The following CCSER1 variants were observed in gnomAD, a reference collection of about 807,000 sequenced individuals.
CCSER1 encodes serine-rich coiled-coil domain-containing protein 1.
CCSER1 carries 41 observed loss-of-function variants against 82.0 expected under a neutral mutation model. That is an observed-to-expected ratio of 0.50 (90% CI 0.39 to 0.65). The LOEUF (loss-of-function observed/expected upper bound fraction) is 0.65, where lower values mean the gene tolerates loss of function less well. Among genes scored for constraint, CCSER1 ranks in the 30% least tolerant of loss-of-function variants. CCSER1 has a pLI of 0.00. For synonymous variants in CCSER1, 414 were observed against 383.9 expected, an observed-to-expected ratio of 1.08 and a Z score of -0.92; for missense variants, 1,119 against 1,064.2, an observed-to-expected ratio of 1.05 and a Z score of -0.72.
chr4:90,971,861 G>T (rs1021087685), intron 9 of CCSER1, among the ~76,000 whole-genome samples: 1 of 151,810 alleles, frequency 6.6e-6, no homozygotes, highest in Non-Finnish European at 1.5e-5. Context: ...CAAAAATAAT[G>T]TCATACAACA....
At chr4:91,254,428 T>C (rs936184789) in intron 10 of CCSER1, among the ~76,000 whole-genome samples, 24 of 152,282 alleles carry the variant, frequency 1.6e-4, no homozygotes, top group South Asian at 6.2e-4. Flanking sequence ...CATCATGCTA[T>C]GTGAAATAAG....
chr4:91,409,811 TAG>T (rs1349673877), intron 10 of CCSER1, among the ~76,000 whole-genome samples: 2 of 152,116 alleles, frequency 1.3e-5, no homozygotes, highest in Non-Finnish European at 2.9e-5. Flanking sequence ...GCCTCCTGAG[TAG>T]CTGGGATCAC....
At chr4:90,782,813 C>T (rs1421095857) in intron 7 of CCSER1, among the ~76,000 whole-genome samples, 2 of 151,362 alleles carry the variant, frequency 1.3e-5, no homozygotes, top group Non-Finnish European at 2.9e-5. Context: ...TTCCGAGTAG[C>T]TGGGACTACA....
chr4:91,225,044 A>G (rs1738036294), intron 10 of CCSER1, among the ~76,000 whole-genome samples: 1 of 150,174 alleles, frequency 6.7e-6, no homozygotes, highest in Non-Finnish European at 1.5e-5. Context: ...ATAAAATTTC[A>G]TAATTTTATT....
At chr4:90,238,205 C>T (rs760324152) in intron 1 of CCSER1, among the ~76,000 whole-genome samples, 2 of 152,064 alleles carry the variant, frequency 1.3e-5, no homozygotes, top group African/African-American at 4.8e-5. Context: ...TATATAACTT[C>T]AGTTGTTTAT....
intron 5 of CCSER1, among the ~76,000 whole-genome samples, chr4:90,498,058 C>A (rs914929425): frequency 2.0e-5 from 3 of 150,772 alleles, no homozygotes; most frequent in Non-Finnish European, 4.4e-5. Context: ...TTCTAGTAAT[C>A]CCCACTTATC....
At chr4:90,503,466 G>A (rs1242920508) in intron 5 of CCSER1, among the ~76,000 whole-genome samples, 2 of 152,104 alleles carry the variant, frequency 1.3e-5, no homozygotes, top group African/African-American at 4.8e-5. Flanking sequence ...CAACGTGCAG[G>A]TTAGTTACAT....
chr4:90,533,456 A>T (rs1774893618), intron 5 of CCSER1, among the ~76,000 whole-genome samples: 1 of 152,188 alleles, frequency 6.6e-6, no homozygotes, highest in South Asian at 2.1e-4. Flanking sequence ...TTCTCTGATC[A>T]GATGGACTCT....
At chr4:91,414,494 A>T (rs1253481068) in intron 10 of CCSER1, among the ~76,000 whole-genome samples, 1 of 152,152 alleles carries the variant, frequency 6.6e-6, no homozygotes, top group Non-Finnish European at 1.5e-5. Flanking sequence ...GCAAGAGAGG[A>T]AGAAAGGAAC....
chr4:90,668,947 A>T, intron 6 of CCSER1, among the ~76,000 whole-genome samples: 1 of 152,132 alleles, frequency 6.6e-6, no homozygotes, highest in East Asian at 1.9e-4. Flanking sequence ...GTACACATAT[A>T]ATTATTGCAC....
intron 7 of CCSER1, among the ~76,000 whole-genome samples, chr4:90,766,679 T>G (rs1257288596): frequency 1.3e-5 from 2 of 152,130 alleles, no homozygotes; most frequent in Non-Finnish European, 2.9e-5. Flanking sequence ...ACCTTGTCAT[T>G]ATGTGATGCC....
chr4:91,506,554 C>G (rs527783621), intron 10 of CCSER1, among the ~76,000 whole-genome samples: 2 of 152,032 alleles, frequency 1.3e-5, no homozygotes, highest in South Asian at 2.1e-4. Flanking sequence ...GATGTTGATT[C>G]TTCCTATCCA....
chr4:90,349,112 A>G (rs1742952851), intron 3 of CCSER1, among the ~76,000 whole-genome samples: 1 of 152,130 alleles, frequency 6.6e-6, no homozygotes, highest in Non-Finnish European at 1.5e-5. Context: ...TGCCTAAGAG[A>G]CAAAAAGTCA....
intron 10 of CCSER1, among the ~76,000 whole-genome samples, chr4:91,376,640 C>G (rs1464528320): frequency 6.6e-6 from 1 of 152,026 alleles, no homozygotes; most frequent in Non-Finnish European, 1.5e-5. Flanking sequence ...AAAAATTATT[C>G]AAATTAAACT....
At chr4:91,185,241 C>T (rs1295834977) in intron 10 of CCSER1, among the ~76,000 whole-genome samples, 2 of 152,166 alleles carry the variant, frequency 1.3e-5, no homozygotes, top group African/African-American at 2.4e-5. Flanking sequence ...TTCACTTTTT[C>T]CCATTTCCAC....
intron 9 of CCSER1, among the ~76,000 whole-genome samples, chr4:91,054,311 C>T (rs1202942171): frequency 2.0e-5 from 3 of 152,186 alleles, no homozygotes; most frequent in Admixed American, 2.0e-4. Flanking sequence ...TCAAATTCAC[C>T]TTGAAGGCTC....
chr4:91,072,825 A>G (rs1051469407), intron 9 of CCSER1, among the ~76,000 whole-genome samples: 3 of 152,136 alleles, frequency 2.0e-5, no homozygotes, highest in African/African-American at 7.2e-5. Context: ...AAAAAAGTAT[A>G]TAAAATGATA....
chr4:91,095,983 G>A (rs2148837948), intron 10 of CCSER1, among the ~76,000 whole-genome samples: 1 of 152,284 alleles, frequency 6.6e-6, no homozygotes, highest in Non-Finnish European at 1.5e-5. Flanking sequence ...AGCTGGTGGT[G>A]ATCAGCCCAA....
At chr4:91,238,746 T>G (rs1544016) in intron 10 of CCSER1, among the ~76,000 whole-genome samples, 3 of 151,908 alleles carry the variant, frequency 2.0e-5, no homozygotes, top group Non-Finnish European at 4.4e-5. Context: ...AAGCTGGTGA[T>G]CTATAGTTAG....
Sources: allele counts gnomAD v4.1 joint callset (sites outside exome capture counted in the v4.1 genomes callset), GRCh38; gene constraint gnomAD v4.1.1; transcripts MANE v1.5; gene names NCBI Gene and HGNC (gene_info 2026-07-23, HGNC 2026-07-21).